RAD51AP2: variants seen among roughly 807,000 people sequenced by gnomAD.
The protein encoded by RAD51AP2 is RAD51-associated protein 2.
In RAD51AP2, 67 loss-of-function variants were observed where a neutral mutation model predicts 85.5. That is an observed-to-expected ratio of 0.78 (90% CI 0.64 to 0.96). RAD51AP2 has a LOEUF of 0.96. Ranked by LOEUF, RAD51AP2 falls within the 40% of genes least tolerant of loss-of-function variation. RAD51AP2 has a pLI of 0.00. For synonymous variants in RAD51AP2, 474 were observed against 446.5 expected, an observed-to-expected ratio of 1.06 and a Z score of -0.78; for missense variants, 1,307 against 1,332.4, an observed-to-expected ratio of 0.98 and a Z score of 0.30.
chr2:17,513,564 T>C (rs1220879965), intron 2 of RAD51AP2, among the ~76,000 whole-genome samples: 2 of 152,226 alleles, frequency 1.3e-5, no homozygotes, highest in East Asian at 1.9e-4. Context: ...TAATCGAAAG[T>C]ATAAACATCA....
chr2:17,512,671 A>C (rs775896307), intron 2 of RAD51AP2, among the ~76,000 whole-genome samples: 2 of 152,160 alleles, frequency 1.3e-5, no homozygotes, highest in Non-Finnish European at 2.9e-5. Context: ...TTCTATATCA[A>C]AATATATTGC....
chr2:17,513,570 C>T (rs1315265779), intron 2 of RAD51AP2, among the ~76,000 whole-genome samples: 1 of 152,022 alleles, frequency 6.6e-6, no homozygotes, highest in Non-Finnish European at 1.5e-5. Context: ...AAAGTATAAA[C>T]ATCAGTCAAA....
the RAD51AP2 span, among the ~76,000 whole-genome samples, chr2:17,532,280 A>C: frequency 6.6e-6 from 1 of 151,856 alleles, no homozygotes; most frequent in Non-Finnish European, 1.5e-5. Flanking sequence ...TCATCAGGAG[A>C]TTTCTTTAGG....
chr2:17,516,554 A>G lies in RAD51AP2; in HGVS notation c.1862T>C (p.Ile621Thr), dbSNP rs751163116. 5 of 1,576,142 alleles carry G rather than the reference A, an allele frequency of 3.2e-6. No homozygotes were observed. The highest frequency in any genetic ancestry group is 1.7e-5 in the Admixed American group (1 of 57,174). The change falls in exon 1 of 3, where the codon ATA becomes ACA. Residue 621 changes from isoleucine (I) to threonine (T), a missense_variant. Physicochemically the swap from Ile to Thr is moderately conservative, Grantham distance 89. Transcript: ENST00000399080. ...TAGATATGCAGTATGATTTTCCACT[A>G]TATTTTTTGGATACTTCAAATAAAG... ...CMLYLKYPKN[I>T]VENHTAYLVK...
At chr2:17,514,555 G>C (rs1662591434) in intron 1 of RAD51AP2, among the ~76,000 whole-genome samples, 1 of 151,632 alleles carries the variant, frequency 6.6e-6, no homozygotes, top group Non-Finnish European at 1.5e-5. Flanking sequence ...TGGATCACAA[G>C]GTCAGGAGTT....
the RAD51AP2 span, among the ~76,000 whole-genome samples, chr2:17,530,643 C>T: frequency 6.8e-6 from 1 of 147,392 alleles, no homozygotes; most frequent in Non-Finnish European, 1.5e-5. Flanking sequence ...TGTATTCTTT[C>T]CTCTAGACCA....
the RAD51AP2 span, among the ~76,000 whole-genome samples, chr2:17,534,391 A>C: frequency 6.6e-6 from 1 of 152,346 alleles, no homozygotes; most frequent in Non-Finnish European, 1.5e-5. Flanking sequence ...CAAGAACCTG[A>C]AACTCGGAAA....
In RAD51AP2 at chr2:17,517,252, C is replaced by A; in HGVS notation, c.1164G>T (p.Arg388Ser). The change falls in exon 1 of 3, where the codon AGG (arginine) becomes AGT (serine). Residue 388 changes from arginine (R) to serine (S), a missense_variant. This residue lies in a region of RAD51AP2 where 635 missense variants were observed against 643.6 expected (regional missense o/e 0.99). Transcript: ENST00000399080. ...AGTCCCAGTTTTGAGATTTTTCCAG[C>A]CTGGTAAGTACGTAACTGTCCAGAC... ...AECLDSYVLT[R>S]LEKSQNWDCN... is the part of the protein sequence containing the mutation. The A allele has an allele frequency of 6.2e-7, 1 of 1,613,924 alleles. No homozygotes were observed. Among genetic ancestry groups the A allele is most frequent in the Non-Finnish European group, 8.5e-7 (1 of 1,179,924 alleles).
At chr2:17,528,986 G>A in the RAD51AP2 span, among the ~76,000 whole-genome samples, 1 of 152,176 alleles carries the variant, frequency 6.6e-6, no homozygotes, top group African/African-American at 2.4e-5. Flanking sequence ...TCCAGTGTCT[G>A]TTGCCAATTG....
intron 2 of RAD51AP2, among the ~76,000 whole-genome samples, chr2:17,511,390 A>T (rs1662490810): frequency 2.6e-5 from 4 of 152,034 alleles, no homozygotes; most frequent in Non-Finnish European, 5.9e-5. Flanking sequence ...ACACAAATGC[A>T]CTCCATCTAT....
chr2:17,535,908 T>C, the RAD51AP2 span, among the ~76,000 whole-genome samples: 9 of 120,556 alleles, frequency 7.5e-5, no homozygotes, highest in African/African-American at 2.6e-4. Flanking sequence ...TAAGATGAAC[T>C]CTAAAGGATA....
At chr2:17,520,019 T>C (rs978194078), upstream of RAD51AP2, among the ~76,000 whole-genome samples, 3 of 152,184 alleles carry the variant, frequency 2.0e-5, no homozygotes, top group African/African-American at 7.2e-5. Flanking sequence ...CTTGCTAGTT[T>C]GCCCAAGAGC....
chr2:17,524,898 G>A, the RAD51AP2 span, among the ~76,000 whole-genome samples: 338 of 151,950 alleles, frequency 2.2e-3, 1 homozygote, highest in South Asian at 0.012. Flanking sequence ...ACAGAGGAAA[G>A]GATTGAAAAA....
the RAD51AP2 span, among the ~76,000 whole-genome samples, chr2:17,528,512 T>C: frequency 5.3e-5 from 8 of 152,140 alleles, no homozygotes; most frequent in African/African-American, 1.9e-4. Context: ...AAAGCTATGA[T>C]CAGTTTCAGG....
At position 17,517,861 on chromosome 2, in the gene RAD51AP2, A is replaced by G. The variant is rs1201700093; in HGVS notation, c.555T>C (p.Asn185=). The change falls in exon 1 of 3, where the codon AAT becomes AAC. Residue 185 remains asparagine (N), a synonymous_variant. Transcript: ENST00000399080. The stretch of plus-strand genomic sequence containing the variant: ...CTAAAAATGGATTTTCTTTGTGAAC[A>G]TTGTCTCTTCCTTGGACAAACTGTT... ...RKQQFVQGRD[N]VHKENPFLDV... is the part of the protein sequence containing the mutation. 1 of 1,614,130 alleles carries G rather than the reference A, an allele frequency of 6.2e-7. No homozygotes were observed. Among genetic ancestry groups the G allele is most frequent in the Non-Finnish European group, 8.5e-7 (1 of 1,179,988 alleles).
the RAD51AP2 span, among the ~76,000 whole-genome samples, chr2:17,529,144 A>G: frequency 5.3e-5 from 8 of 152,002 alleles, no homozygotes; most frequent in Admixed American, 3.3e-4. Context: ...ATATTCTAAC[A>G]TATTATAAAA....
chr2:17,518,638 G>C (rs1662784120), upstream of RAD51AP2, among the ~76,000 whole-genome samples: 1 of 105,764 alleles, frequency 9.5e-6, no homozygotes, highest in South Asian at 3.6e-4. Context: ...CACGCGCCCC[G>C]GTTGTCTCAC....
chr2:17,528,297 G>C, the RAD51AP2 span, among the ~76,000 whole-genome samples: 3 of 152,110 alleles, frequency 2.0e-5, 1 homozygote, highest in Admixed American at 6.6e-5. Flanking sequence ...AATATGGTAA[G>C]TGTTTATTTT....
the RAD51AP2 span, among the ~76,000 whole-genome samples, chr2:17,524,657 A>G: frequency 6.6e-6 from 1 of 151,960 alleles, no homozygotes; most frequent in Non-Finnish European, 1.5e-5. Context: ...GTAACATACT[A>G]TCTCTTACAC....
Sources: allele counts gnomAD v4.1 joint callset (sites outside exome capture counted in the v4.1 genomes callset), GRCh38; gene constraint gnomAD v4.1.1; regional missense constraint gnomAD v4.1.1; transcripts MANE v1.5; gene names NCBI Gene and HGNC (gene_info 2026-07-23, HGNC 2026-07-21).